The following TEX36 variants were observed in gnomAD, a reference collection of about 807,000 sequenced individuals.
TEX36 encodes testis-expressed protein 36.
Under a neutral mutation model 13.6 loss-of-function variants are expected in TEX36, and 12 were observed. The ratio of observed to expected loss-of-function variants is 0.88; its 90% CI spans 0.56 to 1.43. The LOEUF is 1.43. Among genes scored for constraint, TEX36 ranks in the 40% most tolerant of loss-of-function variants. The pLI is 0.00. For synonymous variants in TEX36, 93 were observed against 83.0 expected (o/e 1.12, Z -0.65); for missense variants, 224 against 228.3 (o/e 0.98, Z 0.12).
At chr10:125,619,461 G>A (rs754219895), downstream of TEX36, among the ~76,000 whole-genome samples, 11 of 152,124 alleles carry the variant, frequency 7.2e-5, no homozygotes, top group South Asian at 2.1e-4. Context: ...CCACCATGCC[G>A]TCTGCTCCTT....
Position 125,661,864 on chromosome 10 carries a change from T to A in TEX36, c.165A>T (p.Ile55=), listed in dbSNP as rs1244736712. The change falls in exon 2 of 4, where the codon ATA becomes ATT. Residue 55 remains isoleucine (I), a synonymous_variant. Transcript: ENST00000368821. ...PRQAEGKLPP[I]YKVREKQAVN... ...GACTCACCTTCTCCCGGACTTTGTATATGGGCGGCAGCTTCCCCTCCGCTT... is the reference window on the plus strand; with the variant it reads ...GACTCACCTTCTCCCGGACTTTGTAAATGGGCGGCAGCTTCCCCTCCGCTT... 2 of 1,551,748 alleles carry A rather than the reference T, an allele frequency of 1.3e-6. No homozygotes were observed. The highest frequency in any genetic ancestry group is 1.7e-6 in the Non-Finnish European group (2 of 1,147,024).
intron 3 of TEX36, among the ~76,000 whole-genome samples, chr10:125,658,188 A>G (rs1218584497): frequency 6.6e-6 from 1 of 152,142 alleles, no homozygotes; most frequent in African/African-American, 2.4e-5. Flanking sequence ...GCAAAGCAAA[A>G]TGACTACAAA....
At chr10:125,619,917 A>G (rs1846408824), downstream of TEX36, among the ~76,000 whole-genome samples, 2 of 151,880 alleles carry the variant, frequency 1.3e-5, no homozygotes, top group African/African-American at 4.8e-5. Flanking sequence ...ATACATCTAT[A>G]TATCACCTAG....
Position 125,609,175 on chromosome 10 carries a change from A to C in TEX36, c.265-32301T>G, listed in dbSNP as rs968250700. 1.8e-4 allele frequency among the ~76,000 whole-genome samples: 27 copies of C among 149,376 alleles called. 1 individual carries two copies. The highest frequency in any genetic ancestry group is 5.9e-4 in the African/African-American group (24 of 40,338). ...ATCTCAGGAAAAAACAAAACAAAAA[A>C]AAAAAAACTTTTAAACTAAACAGGG... is the stretch of plus-strand genomic sequence containing the variant. On this transcript the variant is annotated intron_variant, in intron 3 of 3. Transcript: ENST00000532135.
Position 125,661,036 on chromosome 10 carries a change from T to A in TEX36, c.249A>T (p.Gly83=), listed in dbSNP as rs1206630319. 6.4e-7 allele frequency: 1 copy of A among 1,551,718 alleles called. No individual in the cohort carries two copies. The highest frequency in any genetic ancestry group is 8.7e-7 in the Non-Finnish European group (1 of 1,146,888). ...AAATACTCACGGAGTCAAGGTAGCA[T>A]CCAGAGTTCTCCAAGCTGTGCCGAT... ...HDNRHSLENS[G]CYLDSGLGRK... The change falls in exon 3 of 4, where the codon GGA becomes GGT. Residue 83 remains glycine, a synonymous_variant. Coordinates refer to ENST00000368821, the MANE Select transcript of TEX36 (RefSeq NM_001128202.3).
At chr10:125,616,039 C>T (rs1283400376) in intron 3 of TEX36, among the ~76,000 whole-genome samples, 1 of 152,116 alleles carries the variant, frequency 6.6e-6, no homozygotes, top group Non-Finnish European at 1.5e-5. Context: ...GGAATTTATC[C>T]ATTTCTTCTA....
At chr10:125,591,574 A>G (rs1161806626) in intron 3 of TEX36, among the ~76,000 whole-genome samples, 2 of 152,218 alleles carry the variant, frequency 1.3e-5, no homozygotes, top group Non-Finnish European at 1.5e-5. Flanking sequence ...CATGCTGGGA[A>G]ACCGCACTGA....
At chr10:125,620,670 T>C (rs1180038578), downstream of TEX36, among the ~76,000 whole-genome samples, 1 of 152,218 alleles carries the variant, frequency 6.6e-6, no homozygotes, top group Non-Finnish European at 1.5e-5. Context: ...TAACTATTTT[T>C]AAATATATAC....
intron 3 of TEX36, among the ~76,000 whole-genome samples, chr10:125,644,437 A>G (rs1012123903): frequency 6.6e-6 from 1 of 152,188 alleles, no homozygotes; most frequent in Admixed American, 6.5e-5. Flanking sequence ...AAATAAAAAA[A>G]AACAATACTG....
At chr10:125,648,089 A>G (rs559789229) in intron 3 of TEX36, among the ~76,000 whole-genome samples, 1 of 152,348 alleles carries the variant, frequency 6.6e-6, no homozygotes, top group Admixed American at 6.5e-5. Flanking sequence ...GGGCATAGCC[A>G]AACAAAAGGC....
chr10:125,665,076 GGTT>G (rs144778574), intron 1 of TEX36, among the ~76,000 whole-genome samples: 2,953 of 151,814 alleles, frequency 0.019, 34 homozygotes, highest in South Asian at 0.049. Flanking sequence ...TTGGTTTTTT[GGTT>G]GTTGTTGTTG....
intron 1 of TEX36, among the ~76,000 whole-genome samples, chr10:125,682,336 G>T (rs971685189): frequency 1.3e-5 from 2 of 152,198 alleles, no homozygotes; most frequent in Non-Finnish European, 2.9e-5. Flanking sequence ...GGGGGAGAGC[G>T]TGAAGCTGGA....
At chr10:125,578,715 G>C (rs1845853695) in intron 3 of TEX36, among the ~76,000 whole-genome samples, 1 of 152,058 alleles carries the variant, frequency 6.6e-6, no homozygotes, top group South Asian at 2.1e-4. Flanking sequence ...CCCATGGCCA[G>C]ACCACCCCAT....
chr10:125,645,130 C>T (rs968271538), intron 3 of TEX36, among the ~76,000 whole-genome samples: 5 of 152,226 alleles, frequency 3.3e-5, no homozygotes, highest in African/African-American at 9.6e-5. Context: ...GACCTCACCA[C>T]GTGCACCCAG....
intron 3 of TEX36, among the ~76,000 whole-genome samples, chr10:125,642,293 G>A (rs989549310): frequency 1.9e-4 from 29 of 152,178 alleles, no homozygotes; most frequent in African/African-American, 5.5e-4. Context: ...CATGTAACCC[G>A]TGTGTCAGAT....
At chr10:125,630,391 C>A (rs1846537402) in intron 3 of TEX36, among the ~76,000 whole-genome samples, 1 of 152,088 alleles carries the variant, frequency 6.6e-6, no homozygotes, top group Admixed American at 6.5e-5. Flanking sequence ...TAGGTGGGAG[C>A]CTCGGTTTTT....
chr10:125,579,349 A>C (rs901111024), intron 3 of TEX36, among the ~76,000 whole-genome samples: 2 of 152,166 alleles, frequency 1.3e-5, no homozygotes, highest in East Asian at 1.9e-4. Context: ...AGGGGGGCAA[A>C]GCCCCTTATA....
chr10:125,586,589 A>G (rs1452418611), intron 3 of TEX36, among the ~76,000 whole-genome samples: 2 of 148,170 alleles, frequency 1.3e-5, no homozygotes, highest in Non-Finnish European at 3.0e-5. Flanking sequence ...CGGGAGTTCG[A>G]GACCAGCCTG....
chr10:125,577,657 TC>T (rs1308590408), intron 3 of TEX36, among the ~76,000 whole-genome samples: 1 of 152,244 alleles, frequency 6.6e-6, no homozygotes, highest in African/African-American at 2.4e-5. Context: ...GTCTTTTTTC[TC>T]CAGGCACGTG....
Sources: gnomAD v4.1 joint callset for allele counts (sites outside exome capture counted in the v4.1 genomes callset) on GRCh38, gnomAD v4.1.1 for gene constraint, MANE v1.5 for transcripts, NCBI Gene and HGNC (gene_info 2026-07-23, HGNC 2026-07-21) for gene names.